CNTN5: variants seen among roughly 807,000 people sequenced by gnomAD.
CNTN5 encodes contactin 5, also known as contactin-5.
A neutral mutation model predicts 129.1 loss-of-function variants in CNTN5; 77 were observed. That is an observed-to-expected ratio of 0.60 (90% confidence interval 0.50 to 0.72). The LOEUF is 0.72. Among genes scored for constraint, CNTN5 ranks in the 30% least tolerant of loss-of-function variants. The probability of loss-of-function intolerance (pLI) is 0.00; values close to 1 mark genes in which losing one functional copy is unlikely to be tolerated. For missense variants in CNTN5, 1,478 were observed against 1,328.8 expected (o/e 1.11, Z -1.75); for synonymous variants, 509 against 465.6 (o/e 1.09, Z -1.20).
intron 11 of CNTN5, 25 bp downstream of exon 11, chr11:100,070,585 T>G (rs774257807): frequency 1.2e-6 from 2 of 1,610,876 alleles, no homozygotes; most frequent in Non-Finnish European, 1.7e-6. Context: ...TATTAACCTG[T>G]TCTGCTGTAA....
intron 4 of CNTN5, among the ~76,000 whole-genome samples, chr11:99,838,865 A>G (rs981273222): frequency 3.3e-5 from 5 of 152,168 alleles, no homozygotes; most frequent in South Asian, 2.1e-4. Context: ...GAAGTAATAT[A>G]GTATGCCTTT....
At chr11:100,320,157 C>A (rs978651546) in intron 21 of CNTN5, among the ~76,000 whole-genome samples, 6 of 152,040 alleles carry the variant, frequency 3.9e-5, no homozygotes, top group Admixed American at 2.6e-4. Context: ...ATGGTGGTAC[C>A]AATTTACATT....
At chr11:99,510,467 A>G (rs1038522102) in intron 2 of CNTN5, among the ~76,000 whole-genome samples, 6 of 152,232 alleles carry the variant, frequency 3.9e-5, no homozygotes, top group African/African-American at 1.4e-4. Context: ...AATCTTGTTA[A>G]CAGAAAACTA....
intron 3 of CNTN5, among the ~76,000 whole-genome samples, chr11:99,585,321 G>A (rs779769069): frequency 9.2e-5 from 14 of 152,284 alleles, no homozygotes; most frequent in South Asian, 2.1e-4. Flanking sequence ...ACATATGTGT[G>A]AGAGCAGGGT....
intron 2 of CNTN5, among the ~76,000 whole-genome samples, chr11:99,432,347 A>G (rs1393618591): frequency 1.3e-5 from 2 of 152,132 alleles, no homozygotes; most frequent in Admixed American, 6.6e-5. Flanking sequence ...GTTTCCAGAT[A>G]CCGTCAACTG....
intron 3 of CNTN5, among the ~76,000 whole-genome samples, chr11:99,730,617 T>C (rs904352972): frequency 2.0e-5 from 3 of 152,230 alleles, no homozygotes; most frequent in Admixed American, 6.5e-5. Flanking sequence ...TAAATGGTTA[T>C]ATTATTGTTT....
intron 3 of CNTN5, among the ~76,000 whole-genome samples, chr11:99,585,353 G>A (rs1949758860): frequency 6.6e-6 from 1 of 152,026 alleles, no homozygotes; most frequent in Non-Finnish European, 1.5e-5. Flanking sequence ...GCTTCAAAAA[G>A]AACAAAACTA....
chr11:100,209,837 T>A (rs1426557147), intron 15 of CNTN5, among the ~76,000 whole-genome samples: 1 of 152,188 alleles, frequency 6.6e-6, no homozygotes, highest in Non-Finnish European at 1.5e-5. Flanking sequence ...ATTCATAGGC[T>A]CTTTTAAACC....
intron 21 of CNTN5, among the ~76,000 whole-genome samples, chr11:100,335,727 A>C (rs1050093201): frequency 2.6e-5 from 4 of 151,898 alleles, no homozygotes; most frequent in Admixed American, 6.6e-5. Context: ...GAGATTATGC[A>C]ATTACACTCC....
At chr11:99,642,405 C>T (rs894404288) in intron 3 of CNTN5, among the ~76,000 whole-genome samples, 5 of 152,136 alleles carry the variant, frequency 3.3e-5, no homozygotes, top group African/African-American at 7.2e-5. Context: ...TTCTTATAAA[C>T]ACTCCATATG....
intron 2 of CNTN5, among the ~76,000 whole-genome samples, chr11:99,352,280 T>C (rs1938351386): frequency 6.6e-6 from 1 of 152,238 alleles, no homozygotes; most frequent in South Asian, 2.1e-4. Context: ...AAATGTTATC[T>C]ATTTAGGATG....
rs377718697 is a variant in CNTN5 at position 99,315,906 on chromosome 11, GAC to G, written c.-209-9436_-209-9435del. ...TGATAGAAAGAAGAGACAATAGAAT[GAC>G]ACAAATTATAGAGTCGATAGAATGA... On this transcript the variant is annotated intron_variant, in intron 1 of 24. Coordinates refer to ENST00000524871, the MANE Select transcript of CNTN5 (RefSeq NM_014361.4). 5.1e-3 allele frequency among the ~76,000 whole-genome samples: 677 copies of G among 132,420 alleles called. 32 individuals are homozygous for G. The highest frequency in any genetic ancestry group is 0.017 in the African/African-American group (643 of 38,630). The allele number at this position is 132,420 out of a possible 152,430, so 86.9% of individuals were successfully genotyped here.
At chr11:99,430,579 T>G (rs560539326) in intron 2 of CNTN5, among the ~76,000 whole-genome samples, 1 of 151,754 alleles carries the variant, frequency 6.6e-6, no homozygotes, top group South Asian at 2.1e-4. Context: ...GGCCTCCTAA[T>G]GTATACTATA....
chr11:99,330,392 T>C (rs939652371), intron 2 of CNTN5, among the ~76,000 whole-genome samples: 1 of 152,204 alleles, frequency 6.6e-6, no homozygotes, highest in African/African-American at 2.4e-5. Context: ...AGAAAAATGA[T>C]ACATTCCTAT....
chr11:99,252,111 C>G (rs1862137660), intron 1 of CNTN5, among the ~76,000 whole-genome samples: 1 of 151,982 alleles, frequency 6.6e-6, no homozygotes, highest in South Asian at 2.1e-4. Context: ...CTTTATCTCT[C>G]TTCACTTCTT....
intron 1 of CNTN5, among the ~76,000 whole-genome samples, chr11:99,197,152 C>G (rs368714662): frequency 3.9e-5 from 6 of 151,906 alleles, no homozygotes; most frequent in Non-Finnish European, 8.8e-5. Flanking sequence ...TGGACACATA[C>G]AACACCACAA....
intron 9 of CNTN5, among the ~76,000 whole-genome samples, chr11:100,042,484 TAGAC>T (rs1274212912): frequency 2.0e-5 from 3 of 152,202 alleles, no homozygotes; most frequent in Admixed American, 6.5e-5. Context: ...GAAGCTCCAT[TAGAC>T]AGACCTACAA....
intron 8 of CNTN5, among the ~76,000 whole-genome samples, chr11:99,966,436 G>A (rs368886060): frequency 8.5e-5 from 13 of 152,276 alleles, no homozygotes; most frequent in South Asian, 8.3e-4. Context: ...CGCTTCTACA[G>A]GCATCTTGAG....
intron 3 of CNTN5, among the ~76,000 whole-genome samples, chr11:99,630,247 CATATATAT>C (rs201091704): frequency 0.26 from 39,024 of 150,822 alleles, 5,152 homozygotes; most frequent in South Asian, 0.33. Context: ...TGTGTATATA[CATATATAT>C]ATATATATAT....
Sources: allele counts gnomAD v4.1 joint callset (sites outside exome capture counted in the v4.1 genomes callset), GRCh38; gene constraint gnomAD v4.1.1; transcripts MANE v1.5; gene names NCBI Gene and HGNC (gene_info 2026-07-23, HGNC 2026-07-21).